MS4A13: variants seen among roughly 807,000 people sequenced by gnomAD.
MS4A13 encodes the protein membrane-spanning 4-domains subfamily A member 13.
In MS4A13, 21 loss-of-function variants were observed where a neutral mutation model predicts 18.4. That is an observed-to-expected ratio of 1.14 (90% CI 0.81 to 1.64). The LOEUF is 1.64. MS4A13 is among the 40% of genes most tolerant of loss of function. The probability of loss-of-function intolerance (pLI) is 0.00; values close to 1 mark genes in which losing one functional copy is unlikely to be tolerated. For missense variants in MS4A13, 173 were observed against 176.8 expected (o/e 0.98, Z 0.12); for synonymous variants, 62 against 57.2 (o/e 1.08, Z -0.38).
At chr11:60,522,508 C>G (rs115266959) in intron 3 of MS4A13, among the ~76,000 whole-genome samples, 1 of 151,970 alleles carries the variant, frequency 6.6e-6, no homozygotes, top group East Asian at 1.9e-4. Context: ...TCCCACACTT[C>G]GAACAGATGG....
At chr11:60,518,340 A>G in intron 3 of MS4A13, 128 bp downstream of exon 3, 1 of 718,932 alleles carries the variant, frequency 1.4e-6, no homozygotes, top group Non-Finnish European at 2.1e-6. Context: ...CATGTTGATA[A>G]TTTATTCAAA....
At chr11:60,524,868 G>A (rs1402959420) in intron 4 of MS4A13, among the ~76,000 whole-genome samples, 1 of 151,944 alleles carries the variant, frequency 6.6e-6, no homozygotes, top group Non-Finnish European at 1.5e-5. Context: ...CACCGTGTTA[G>A]CCAGGATGGT....
intron 5 of MS4A13, among the ~76,000 whole-genome samples, chr11:60,526,402 C>G (rs2086713630): frequency 6.6e-6 from 1 of 152,184 alleles, no homozygotes; most frequent in African/African-American, 2.4e-5. Flanking sequence ...TGTCACCATT[C>G]TTATTCATAA....
chr11:60,516,525 T>C (rs2086638567), intron 2 of MS4A13, among the ~76,000 whole-genome samples: 1 of 152,224 alleles, frequency 6.6e-6, no homozygotes, highest in East Asian at 1.9e-4. Flanking sequence ...AATTTGAATG[T>C]TGCATAGATC....
At chr11:60,524,834 G>T (rs1365570146) in intron 4 of MS4A13, among the ~76,000 whole-genome samples, 1 of 151,740 alleles carries the variant, frequency 6.6e-6, no homozygotes, top group South Asian at 2.1e-4. Context: ...TAATTTTTTT[G>T]TATTTTTACT....
intron 6 of MS4A13, among the ~76,000 whole-genome samples, chr11:60,539,351 C>T (rs981606215): frequency 6.6e-6 from 1 of 151,922 alleles, no homozygotes; most frequent in South Asian, 2.1e-4. Flanking sequence ...TGAAAAACCA[C>T]TAGAGGAACT....
At chr11:60,524,030 C>A in intron 4 of MS4A13, 77 bp downstream of exon 4, 2 of 872,392 alleles carry the variant, frequency 2.3e-6, no homozygotes, top group East Asian at 2.5e-5. Flanking sequence ...GAAAATATAA[C>A]GTCTAAACAA....
intron 5 of MS4A13, among the ~76,000 whole-genome samples, chr11:60,527,717 T>C (rs1270721566): frequency 6.6e-6 from 1 of 151,840 alleles, no homozygotes; most frequent in Non-Finnish European, 1.5e-5. Context: ...GCACCTGTAA[T>C]CCCAGCTACT....
At chr11:60,522,210 A>AGATAGAT (rs1452918416) in intron 3 of MS4A13, among the ~76,000 whole-genome samples, 1 of 49,318 alleles carries the variant, frequency 2.0e-5, no homozygotes, top group African/African-American at 4.6e-5. Flanking sequence ...ATAGATAGAT[A>AGATAGAT]GATAGATAGA....
chr11:60,530,203 T>C (rs2086755246), intron 6 of MS4A13, among the ~76,000 whole-genome samples: 1 of 152,208 alleles, frequency 6.6e-6, no homozygotes, highest in South Asian at 2.1e-4. Flanking sequence ...TCATAGGCAC[T>C]AAGGATGCAA....
intron 6 of MS4A13, among the ~76,000 whole-genome samples, chr11:60,530,241 TAGGG>T (rs1165175896): frequency 2.0e-5 from 3 of 152,208 alleles, no homozygotes; most frequent in African/African-American, 4.8e-5. Flanking sequence ...GCCTCTCCAT[TAGGG>T]AGTTTGCATT....
chr11:60,529,898 A>G (rs926446573), intron 6 of MS4A13, among the ~76,000 whole-genome samples: 1 of 152,174 alleles, frequency 6.6e-6, no homozygotes, highest in African/African-American at 2.4e-5. Context: ...AGTATTTAGC[A>G]TTCCCTAATT....
At chr11:60,517,971 TTGTATTTGTAAAGG>T (rs1269271334) in intron 2 of MS4A13, 87 bp from the exon 3 acceptor site, 5 of 920,972 alleles carry the variant, frequency 5.4e-6, no homozygotes, top group Non-Finnish European at 7.8e-6. Flanking sequence ...TGTTTTACTT[TTGTATTTGTAAAGG>T]TGTTAAATGC....
chr11:60,522,248 ATATAGATATATACACACATATATATG>A (rs1408807814), intron 3 of MS4A13, among the ~76,000 whole-genome samples: 4 of 107,276 alleles, frequency 3.7e-5, no homozygotes, highest in Admixed American at 3.3e-4. Context: ...AGATGTATAT[ATATAGATATATACACACATATATATG>A]TATGTGTGTG....
chr11:60,531,743 C>T (rs2086768333), intron 6 of MS4A13, among the ~76,000 whole-genome samples: 1 of 152,142 alleles, frequency 6.6e-6, no homozygotes, highest in African/African-American at 2.4e-5. Flanking sequence ...CTGTCTTCTC[C>T]CTGTGTTTTC....
At chr11:60,524,689 G>GTC (rs1324884984) in intron 4 of MS4A13, among the ~76,000 whole-genome samples, 4 of 133,470 alleles carry the variant, frequency 3.0e-5, no homozygotes, top group African/African-American at 1.1e-4. Flanking sequence ...TTGAGATGGA[G>GTC]TCTCTCTCTC....
intron 4 of MS4A13, 82 bp from the exon 5 acceptor site, chr11:60,525,125 A>G: frequency 7.1e-6 from 7 of 991,436 alleles, no homozygotes; most frequent in Non-Finnish European, 1.1e-5. Context: ...TTTTAACTAG[A>G]TGAGTTTTTT....
chr11:60,523,821 A>G (rs1359882859), intron 3 of MS4A13, 76 bp from the exon 4 acceptor site: 8 of 863,564 alleles, frequency 9.3e-6, no homozygotes, highest in African/African-American at 1.7e-5. Context: ...ATTGACTTAC[A>G]AGAGAGTTAT....
intron 3 of MS4A13, among the ~76,000 whole-genome samples, chr11:60,520,601 A>G (rs1379209037): frequency 6.6e-6 from 1 of 152,240 alleles, no homozygotes; most frequent in African/African-American, 2.4e-5. Flanking sequence ...CATGTCTCAC[A>G]TCCAGGTTAT....
Sources: allele counts gnomAD v4.1 joint callset (sites outside exome capture counted in the v4.1 genomes callset), GRCh38; gene constraint gnomAD v4.1.1; transcripts MANE v1.5; gene names NCBI Gene and HGNC (gene_info 2026-07-23, HGNC 2026-07-21).